The following GSE1 variants were observed in gnomAD, a reference collection of about 807,000 sequenced individuals.
The protein encoded by GSE1 is genetic suppressor element 1.
In GSE1, 32 loss-of-function variants were observed where a neutral mutation model predicts 112.6. That is an observed-to-expected ratio of 0.28 (90% CI 0.21 to 0.38). The LOEUF (loss-of-function observed/expected upper bound fraction) is 0.38, where lower values mean the gene tolerates loss of function less well. Among genes scored for constraint, GSE1 ranks in the 10% least tolerant of loss-of-function variants. GSE1 has a pLI of 1.00. For synonymous variants in GSE1, 1,115 were observed against 735.6 expected, an observed-to-expected ratio of 1.52 and a Z score of -8.35; for missense variants, 2,348 against 1,699.2, an observed-to-expected ratio of 1.38 and a Z score of -6.71.
chr16:85,402,309 G>A (rs944982531), intron 2 of GSE1, among the ~76,000 whole-genome samples: 3 of 152,232 alleles, frequency 2.0e-5, no homozygotes, highest in African/African-American at 4.8e-5. Flanking sequence ...GCTCGGGGGA[G>A]AGGAGTCGCC....
intron 2 of GSE1, among the ~76,000 whole-genome samples, chr16:85,637,240 C>T (rs1248275735): frequency 6.6e-6 from 1 of 152,230 alleles, no homozygotes; most frequent in Non-Finnish European, 1.5e-5. Context: ...TACCTGTGGG[C>T]ATTTTGTACA....
At chr16:85,408,375 T>C (rs372412557) in intron 2 of GSE1, among the ~76,000 whole-genome samples, 28 of 9,352 alleles carry the variant, frequency 3.0e-3, no homozygotes, top group Middle Eastern at 0.071. Context: ...TAATCCTCAC[T>C]GTTGCACTCA....
chr16:85,242,246 A>T (rs1230227001), intron 1 of GSE1, among the ~76,000 whole-genome samples: 3 of 151,864 alleles, frequency 2.0e-5, no homozygotes, highest in African/African-American at 7.3e-5. Context: ...TCCTCTGCTC[A>T]CCCCAGCCCC....
intron 1 of GSE1, among the ~76,000 whole-genome samples, chr16:85,590,387 G>A (rs1355969274): frequency 1.3e-5 from 2 of 151,032 alleles, no homozygotes; most frequent in African/African-American, 2.5e-5. Context: ...GAGATTGTGT[G>A]AACATGTGTG....
rs1042529989 is a variant in GSE1 at position 85,665,159 on chromosome 16, C to T, written c.2758+31C>T. 8 of 1,338,466 alleles carry T rather than the reference C, an allele frequency of 6.0e-6. No homozygotes were observed. The South Asian group carries it at 8.2e-5, about 14-fold the overall frequency. The allele number at this position is 1,338,466 out of a possible 1,614,324, so 82.9% of individuals were successfully genotyped here. On this transcript the variant is annotated intron_variant, in intron 12 of 15. Coordinates refer to ENST00000253458, the MANE Select transcript of GSE1 (RefSeq NM_014615.5). ...GGAAGGATAGCCCCACCTGCCACCA[C>T]CCAGGACCATCCCATGGGCTGCCCA...
chr16:85,519,578 AGT>A (rs2052094575), intron 2 of GSE1, among the ~76,000 whole-genome samples: 3 of 49,202 alleles, frequency 6.1e-5, no homozygotes, highest in South Asian at 4.1e-4. Flanking sequence ...CACCATCACC[AGT>A]CTCCATCATC....
chr16:85,656,272 T>A, intron 6 of GSE1, 71 bp from the exon 7 acceptor site: 3 of 1,567,504 alleles, frequency 1.9e-6, no homozygotes, highest in East Asian at 4.5e-5. Flanking sequence ...TTATGCTTTT[T>A]AAGGGCCTGC....
Position 85,656,573 on chromosome 16 carries a change from G to A in GSE1, c.1220G>A (p.Ser407Asn). ...ELLAAKALEP[S>N]FLPVAELHGL... Reference sequence around the variant, plus strand: ...CTGGCCGCCAAGGCCCTGGAGCCCAGCTTCCTGCCCGTGGCCGAGCTGCAT... The same window carrying A: ...CTGGCCGCCAAGGCCCTGGAGCCCAACTTCCTGCCCGTGGCCGAGCTGCAT... Residue 407 changes from serine to asparagine, a missense_variant, in exon 7 of 16, where the codon AGC becomes AAC. Ser to Asn is a conservative substitution (Grantham distance 46). Coordinates refer to ENST00000253458, the MANE Select transcript of GSE1 (RefSeq NM_014615.5). 1 of 1,547,732 alleles carries A rather than the reference G, an allele frequency of 6.5e-7. No homozygotes were observed. Among genetic ancestry groups the A allele is most frequent in the African/African-American group, 1.4e-5 (1 of 73,076 alleles).
chr16:85,478,844 T>C (rs1007950563), intron 2 of GSE1, among the ~76,000 whole-genome samples: 7 of 3,718 alleles, frequency 1.9e-3, no homozygotes, highest in Admixed American at 0.017. Flanking sequence ...ATTTATTTTC[T>C]TTCTTTCTTT....
At chr16:85,319,730 G>A (rs2046061508) in intron 1 of GSE1, among the ~76,000 whole-genome samples, 1 of 152,198 alleles carries the variant, frequency 6.6e-6, no homozygotes, top group Non-Finnish European at 1.5e-5. Context: ...GGGGGCATTT[G>A]CAGATTCTGC....
chr16:85,219,444 G>GA (rs1454330786), intron 1 of GSE1, among the ~76,000 whole-genome samples: 1 of 152,226 alleles, frequency 6.6e-6, no homozygotes, highest in Non-Finnish European at 1.5e-5. Flanking sequence ...CCTACCGCAT[G>GA]AAGCTGCTGG....
rs764482625 is a variant in GSE1 at position 85,655,781 on chromosome 16, A to G, written c.853A>G (p.Thr285Ala). Residue 285 changes from threonine to alanine, a missense_variant, in exon 6 of 16, where the codon ACC (threonine) becomes GCC (alanine). By Grantham distance (58) the Thr-to-Ala change is moderately conservative. Coordinates refer to ENST00000253458, the MANE Select transcript of GSE1 (RefSeq NM_014615.5). ...ALRSPFYPIPTPGSLPPLHPS... is the reference protein window; with the variant it reads ...ALRSPFYPIPAPGSLPPLHPS... ...GAGGTCCCCGTTCTACCCCATCCCC[A>G]CCCCCGGCTCCCTGCCCCCACTGCA... 3.0e-6 allele frequency: 4 copies of G among 1,326,764 alleles called. No individual in the cohort carries two copies. Among genetic ancestry groups the G allele is most frequent in the Non-Finnish European group, 4.2e-6 (4 of 945,572 alleles). The allele number at this position is 1,326,764 out of a possible 1,614,324, so 82.2% of individuals were successfully genotyped here. A position where few individuals can be genotyped will look rare whatever the true frequency, so the allele number is the denominator to read the frequency against.
At chr16:85,659,052 G>A (rs762171164) in intron 8 of GSE1, among the ~76,000 whole-genome samples, 3 of 152,242 alleles carry the variant, frequency 2.0e-5, no homozygotes, top group Admixed American at 6.5e-5. Flanking sequence ...TTGGTGTGGC[G>A]CATGAAATAT....
upstream of GSE1, among the ~76,000 whole-genome samples, chr16:85,554,509 A>G (rs1428359432): frequency 6.6e-5 from 10 of 151,676 alleles, no homozygotes; most frequent in Non-Finnish European, 1.2e-4. Flanking sequence ...GTGCAGGGAG[A>G]GTGTGGGAGA....
At chr16:85,520,095 C>T (rs2052129690) in intron 2 of GSE1, among the ~76,000 whole-genome samples, 2 of 152,202 alleles carry the variant, frequency 1.3e-5, no homozygotes, top group African/African-American at 4.8e-5. Context: ...TCGAAATGTA[C>T]TGCTTCAATT....
intron 2 of GSE1, among the ~76,000 whole-genome samples, chr16:85,370,644 C>G (rs1443131948): frequency 1.3e-5 from 2 of 151,026 alleles, no homozygotes; most frequent in East Asian, 3.9e-4. Context: ...TCCCTCCCTC[C>G]TTCTCTCCCT....
intron 2 of GSE1, among the ~76,000 whole-genome samples, chr16:85,479,775 G>A (rs1466113790): frequency 1.3e-5 from 2 of 152,202 alleles, no homozygotes; most frequent in African/African-American, 2.4e-5. Context: ...ATGTGTCACT[G>A]TGTGCCAGGT....
At chr16:85,590,254 G>C (rs558124760) in intron 1 of GSE1, among the ~76,000 whole-genome samples, 2 of 152,116 alleles carry the variant, frequency 1.3e-5, no homozygotes, top group South Asian at 4.2e-4. Flanking sequence ...GTGGGCCCGC[G>C]TGTGAATGAG....
At chr16:85,468,229 G>A (rs1394389257) in intron 2 of GSE1, among the ~76,000 whole-genome samples, 1 of 151,922 alleles carries the variant, frequency 6.6e-6, no homozygotes, top group Non-Finnish European at 1.5e-5. Context: ...AGAACCTTGG[G>A]CAAGGTATGA....
Sources: allele counts gnomAD v4.1 joint callset (sites outside exome capture counted in the v4.1 genomes callset), GRCh38; gene constraint gnomAD v4.1.1; transcripts MANE v1.5; gene names NCBI Gene and HGNC (gene_info 2026-07-23, HGNC 2026-07-21).